NRP1: variants seen among roughly 807,000 people sequenced by gnomAD.
NRP1 encodes neuropilin-1.
A neutral mutation model predicts 106.7 loss-of-function variants in NRP1; 35 were observed. The ratio of observed to expected loss-of-function variants is 0.33; its 90% CI spans 0.25 to 0.43. The LOEUF is 0.43. NRP1 is among the 20% of genes least tolerant of loss of function. NRP1 has a pLI of 1.00. For synonymous variants in NRP1, 437 were observed against 417.9 expected (o/e 1.05, Z -0.56); for missense variants, 1,024 against 1,170.4 (o/e 0.87, Z 1.83).
chr10:33,303,576 A>G (rs1227489208), intron 2 of NRP1, among the ~76,000 whole-genome samples: 1 of 152,166 alleles, frequency 6.6e-6, no homozygotes, highest in Non-Finnish European at 1.5e-5. Context: ...GCCTTACTTC[A>G]TTGTAATAAG....
intron 6 of NRP1, among the ~76,000 whole-genome samples, chr10:33,229,367 C>T (rs1394587243): frequency 1.3e-5 from 2 of 152,120 alleles, no homozygotes; most frequent in African/African-American, 2.4e-5. Flanking sequence ...TTCAAATGCT[C>T]GCAGATCACT....
At chr10:33,197,746 A>C in intron 11 of NRP1, 37 bp from the exon 12 acceptor site, 3 of 1,289,208 alleles carry the variant, frequency 2.3e-6, no homozygotes, top group Non-Finnish European at 3.4e-6. Flanking sequence ...AAAATAAGAA[A>C]ACAGTAGCGA....
chr10:33,213,551 C>T lies in NRP1; in HGVS notation c.1449G>A (p.Glu483=), dbSNP rs772636449. 2.5e-6 allele frequency: 4 copies of T among 1,614,076 alleles called. No homozygotes were observed. The South Asian group carries it at 4.4e-5, about 18-fold the overall frequency. The change falls in exon 9 of 17, where the codon GAG becomes GAA. Residue 483 remains glutamate, a synonymous_variant. Transcript: ENST00000374867. ...CCTCCCCCAGGTCTATTTGGAGCCA[C>T]TCATTGATGTAGGAATGAGGTGCGG... ...LPPAPHSYIN[E]WLQIDLGEEK...
At position 33,226,190 on chromosome 10, in the gene NRP1, C is replaced by T. The variant is rs756440174; in HGVS notation, c.1081G>A (p.Asp361Asn). ...KKYYVKTYKIDVSSNGEDWIT... is the reference protein window; with the variant it reads ...KKYYVKTYKINVSSNGEDWIT... ...CAGTCTTCCCCGTTGGAGCTAACGT[C>T]GATCTTGTAAGTCTTGACATAATAT... Residue 361 changes from aspartate (D) to asparagine (N), a missense_variant, in exon 7 of 17, where the codon GAC becomes AAC. Physicochemically the swap from Asp to Asn is conservative, Grantham distance 23. Around this residue, in one of 5 missense-constraint regions of NRP1, gnomAD observed 562 missense variants for 620.3 expected, o/e 0.91. Transcript: ENST00000374867. 3 of 1,614,068 alleles carry T rather than the reference C, an allele frequency of 1.9e-6. No individual in the cohort carries two copies. Among genetic ancestry groups the T allele is most frequent in the African/African-American group, 1.3e-5 (1 of 74,936 alleles).
intron 2 of NRP1, among the ~76,000 whole-genome samples, chr10:33,319,358 T>A (rs2132863220): frequency 6.6e-6 from 1 of 152,142 alleles, no homozygotes; most frequent in East Asian, 1.9e-4. Context: ...ATCAGTGCTC[T>A]GTAAAAATGC....
At chr10:33,231,976 G>A (rs778274210) in intron 6 of NRP1, among the ~76,000 whole-genome samples, 8 of 152,066 alleles carry the variant, frequency 5.3e-5, no homozygotes, top group Non-Finnish European at 1.0e-4. Context: ...CAAAAAAAAT[G>A]TATTGCTCTC....
At chr10:33,233,289 C>T (rs545681499) in intron 6 of NRP1, among the ~76,000 whole-genome samples, 1 of 152,094 alleles carries the variant, frequency 6.6e-6, no homozygotes, top group African/African-American at 2.4e-5. Flanking sequence ...CTACCATGCT[C>T]CCAACTTACT....
Position 33,334,344 on chromosome 10 carries a change from G to A in NRP1, c.39C>T (p.Ala13=), listed in dbSNP as rs1384463811. 3 of 1,546,128 alleles carry A rather than the reference G, an allele frequency of 1.9e-6. No individual in the cohort carries two copies. The African/African-American group carries it at 4.1e-5, about 21-fold the overall frequency. ...AAGCGCCGGCCGGGGCGAGGACGAG[G>A]GCGAGCACGGCGCAGAGGAGCGGCA... ...RGLPLLCAVL[A]LVLAPAGAFR... is the part of the protein sequence containing the mutation. The change falls in exon 1 of 17, where the codon GCC becomes GCT. Residue 13 remains alanine (A), a synonymous_variant. Transcript: ENST00000374867.
intron 9 of NRP1, chr10:33,212,676 AT>A (rs58249106): frequency 0.16 from 23,912 of 150,008 alleles, 2,249 homozygotes; most frequent in East Asian, 0.5. Context: ...ATCACAATTA[AT>A]TTTTTTTTTT....
At chr10:33,219,149 A>G (rs1839022254) in intron 8 of NRP1, among the ~76,000 whole-genome samples, 1 of 152,174 alleles carries the variant, frequency 6.6e-6, no homozygotes, top group Admixed American at 6.5e-5. Context: ...GCCATGTACT[A>G]TTTTAGTCTA....
At chr10:33,188,779 C>G (rs1836196139) in intron 13 of NRP1, among the ~76,000 whole-genome samples, 1 of 150,966 alleles carries the variant, frequency 6.6e-6, no homozygotes, top group Non-Finnish European at 1.5e-5. Context: ...TAGCTGTAGT[C>G]CTAAGTAGCT....
At chr10:33,231,856 G>C (rs1323388922) in intron 6 of NRP1, among the ~76,000 whole-genome samples, 1 of 152,116 alleles carries the variant, frequency 6.6e-6, no homozygotes, top group Non-Finnish European at 1.5e-5. Context: ...ACTGTTCCAG[G>C]GACGAGGAGG....
chr10:33,263,914 C>T, intron 3 of NRP1, 41 bp from the exon 4 acceptor site: 3 of 1,254,096 alleles, frequency 2.4e-6, no homozygotes, highest in Non-Finnish European at 3.5e-6. Context: ...GAAAATCCCA[C>T]TTAAACAACT....
At chr10:33,219,813 A>AT (rs11322567) in intron 8 of NRP1, among the ~76,000 whole-genome samples, 1 of 151,942 alleles carries the variant, frequency 6.6e-6, no homozygotes, top group African/African-American at 2.4e-5. Flanking sequence ...AGTTTACCTC[A>AT]TTTTTTTTAA....
chr10:33,195,909 T>C (rs371083051), intron 12 of NRP1, among the ~76,000 whole-genome samples: 23 of 152,258 alleles, frequency 1.5e-4, no homozygotes, highest in African/African-American at 5.3e-4. Flanking sequence ...TGGATTGAAC[T>C]TGTTCAGATG....
intron 2 of NRP1, among the ~76,000 whole-genome samples, chr10:33,274,151 T>C (rs1843514874): frequency 6.6e-6 from 1 of 152,176 alleles, no homozygotes; most frequent in Non-Finnish European, 1.5e-5. Flanking sequence ...CTAAACCCTT[T>C]TGCAATTAAA....
At chr10:33,228,375 C>T (rs574809056) in intron 6 of NRP1, among the ~76,000 whole-genome samples, 7 of 151,324 alleles carry the variant, frequency 4.6e-5, no homozygotes, top group East Asian at 1.9e-4. Context: ...AACTCTGACT[C>T]GAAAAATAAA....
intron 3 of NRP1, among the ~76,000 whole-genome samples, chr10:33,265,859 T>C (rs1293647524): frequency 1.3e-5 from 2 of 152,232 alleles, no homozygotes; most frequent in Admixed American, 6.5e-5. Context: ...TTTATAATCT[T>C]AGTTTCTAAA....
chr10:33,223,503 C>T (rs1839422726), intron 7 of NRP1, among the ~76,000 whole-genome samples: 1 of 151,790 alleles, frequency 6.6e-6, no homozygotes, highest in African/African-American at 2.4e-5. Context: ...TGGTGCATGC[C>T]TGTGGTCTCA....
Sources: allele counts gnomAD v4.1 joint callset (sites outside exome capture counted in the v4.1 genomes callset), GRCh38; gene constraint gnomAD v4.1.1; regional missense constraint gnomAD v4.1.1; transcripts MANE v1.5; gene names NCBI Gene and HGNC (gene_info 2026-07-23, HGNC 2026-07-21).